DHCR24: variants seen among roughly 807,000 people sequenced by gnomAD.
DHCR24 encodes delta(24)-sterol reductase.
In DHCR24, 28 loss-of-function variants were observed where a neutral mutation model predicts 61.2. The ratio of observed to expected loss-of-function variants is 0.46; its 90% CI spans 0.34 to 0.63. DHCR24 has a LOEUF of 0.63. Among genes scored for constraint, DHCR24 ranks in the 20% least tolerant of loss-of-function variants. The pLI, the probability that DHCR24 is intolerant of heterozygous loss-of-function variation, is 0.01. For missense variants in DHCR24, 538 were observed against 679.1 expected, an observed-to-expected ratio of 0.79 and a Z score of 2.31; for synonymous variants, 261 against 275.9, an observed-to-expected ratio of 0.95 and a Z score of 0.54.
At position 54,887,191 on chromosome 1, in the gene DHCR24, G is replaced by T; in HGVS notation, c.-72C>A. The T allele has an allele frequency of 3.0e-6, 4 of 1,348,490 alleles. No individual in the cohort carries two copies. Among genetic ancestry groups the T allele is most frequent in the East Asian group, 2.6e-5 (1 of 38,980 alleles). 83.5% of individuals were successfully genotyped at this position (1,348,490 alleles called of 1,614,324 possible). A position where few individuals can be genotyped will look rare whatever the true frequency, so the allele number is the denominator to read the frequency against. Reference sequence around the variant, plus strand: ...CTGCCGCCAGCTCCGCGCCTGGCCCGCTCTGCGCCTGTAGCCCACAGCCCG... The same window carrying T: ...CTGCCGCCAGCTCCGCGCCTGGCCCTCTCTGCGCCTGTAGCCCACAGCCCG... On this transcript the variant is annotated 5_prime_UTR_variant, in exon 1 of 9. Coordinates refer to ENST00000371269, the MANE Select transcript of DHCR24 (RefSeq NM_014762.4).
In DHCR24 at chr1:54,853,453, A is replaced by C. The variant is rs1301013119; in HGVS notation, c.1378T>G (p.Phe460Val). The C allele has an allele frequency of 6.2e-7, 1 of 1,614,036 alleles. No homozygotes were observed. The highest frequency in any genetic ancestry group is 1.1e-5 in the South Asian group (1 of 91,060). The stretch of plus-strand genomic sequence containing the variant: ...ACTCACCCATGCACGCTGCGGACAA[A>C]CTTCTCCAGCTGCCTCATGCAGGAC... Reference protein sequence around the residue: ...ARSCMRQLEKFVRSVHGFQML... With the variant: ...ARSCMRQLEKVVRSVHGFQML... Residue 460 changes from phenylalanine to valine, a missense_variant, in exon 8 of 9, where the codon TTT (phenylalanine) becomes GTT (valine). Coordinates refer to ENST00000371269, the MANE Select transcript of DHCR24 (RefSeq NM_014762.4).
At chr1:54,875,590 GT>G (rs1249331405) in intron 3 of DHCR24, among the ~76,000 whole-genome samples, 1 of 152,128 alleles carries the variant, frequency 6.6e-6, no homozygotes, top group Non-Finnish European at 1.5e-5. Context: ...AACTGAAGGT[GT>G]TTTCCCTGAA....
At chr1:54,881,419 G>A (rs1223620168) in intron 2 of DHCR24, among the ~76,000 whole-genome samples, 1 of 152,120 alleles carries the variant, frequency 6.6e-6, no homozygotes, top group African/African-American at 2.4e-5. Flanking sequence ...TTAAAGAAAT[G>A]CAAATCAAAA....
intron 2 of DHCR24, among the ~76,000 whole-genome samples, chr1:54,879,556 G>C (rs1453262971): frequency 1.3e-5 from 2 of 152,092 alleles, no homozygotes; most frequent in Non-Finnish European, 2.9e-5. Context: ...AGAACAACTT[G>C]AAATGGCCTA....
In DHCR24 at chr1:54,854,320, AT is replaced by A. The variant is rs1646895202; in HGVS notation, c.1021-87del. ...TGCAAGGGGCCAGGGGCCAGGTCCC[AT>A]TCTGTGCTTGACAGAAGCACGCCTG... On this transcript the variant is annotated intron_variant, in intron 6 of 8. Transcript: ENST00000371269. 3 of 1,252,880 alleles carry A rather than the reference AT, an allele frequency of 2.4e-6. No homozygotes were observed. The African/African-American group carries it at 4.4e-5, about 18-fold the overall frequency. 77.6% of individuals were successfully genotyped at this position (1,252,880 alleles called of 1,614,324 possible).
intron 6 of DHCR24, among the ~76,000 whole-genome samples, chr1:54,858,076 G>A (rs1388874173): frequency 6.6e-6 from 1 of 152,234 alleles, no homozygotes; most frequent in Non-Finnish European, 1.5e-5. Flanking sequence ...ATTTGAAATT[G>A]TTTATTCCTC....
intron 5 of DHCR24, among the ~76,000 whole-genome samples, chr1:54,867,330 G>A (rs1646972845): frequency 6.6e-6 from 1 of 152,174 alleles, no homozygotes. Context: ...AGAAATGTTT[G>A]GAAGCAATGC....
Position 54,879,322 on chromosome 1 carries a change from G to GGGAAAAAAAAAAAAAAAAA in DHCR24, c.388-3276_388-3275insTTTTTTTTTTTTTTTTTCC, listed in dbSNP as rs1647052099. On this transcript the variant is annotated intron_variant, in intron 2 of 8. Transcript: ENST00000371269. ...TGGAGGACAGAGCAAGACTCCATCT[G>GGGAAAAAAAAAAAAAAAAA]AAAAAAAAAAAAAAAAAAAAAAAAA... Among the ~76,000 whole-genome samples the GGGAAAAAAAAAAAAAAAAA allele has an allele frequency of 1.8e-5, 2 of 108,502 alleles. 1 individual carries two copies. The allele number at this position is 108,502 out of a possible 152,430, so 71.2% of individuals were successfully genotyped here.
intron 5 of DHCR24, among the ~76,000 whole-genome samples, chr1:54,871,057 T>A (rs2101569709): frequency 6.6e-6 from 1 of 152,372 alleles, no homozygotes; most frequent in African/African-American, 2.4e-5. Flanking sequence ...ACATTACCTC[T>A]TGAAGACTCA....
rs150050071 is a variant in DHCR24, at chr1:54,865,347, G to A, written c.976C>T (p.His326Tyr). The change falls in exon 6 of 9, where the codon CAC becomes TAC. Residue 326 changes from histidine to tyrosine, a missense_variant. By Grantham distance (83) the His-to-Tyr change is moderately conservative. Transcript: ENST00000371269. ...REGLEYIPLR[H>Y]YYHRHTRSIF... The stretch of plus-strand genomic sequence containing the variant: ...CTGCGCGTGTGGCGGTGGTAGTAGT[G>A]TCTCAAGGGAATGTACTCCAGGCCC... The A allele has an allele frequency of 1.9e-6, 3 of 1,613,920 alleles. No homozygotes were observed. The African/African-American group carries it at 4.0e-5, about 22-fold the overall frequency.
chr1:54,867,207 TG>T (rs1382756811), intron 5 of DHCR24, among the ~76,000 whole-genome samples: 2 of 152,154 alleles, frequency 1.3e-5, no homozygotes, highest in Non-Finnish European at 2.9e-5. Flanking sequence ...CTCTGTGAAA[TG>T]GGGGTAGGCT....
chr1:54,852,465 C>T, intron 8 of DHCR24, 79 bp from the exon 9 acceptor site: 1 of 1,527,228 alleles, frequency 6.5e-7, no homozygotes, highest in South Asian at 1.1e-5. Flanking sequence ...ACTGCTCATT[C>T]TGCAGCCCAG....
Position 54,883,615 on chromosome 1 carries a change from C to A in DHCR24, c.387+3G>T, listed in dbSNP as rs776143794. On this transcript the variant is annotated splice_donor_region_variant and intron_variant, in intron 2 of 8. Coordinates refer to ENST00000371269, the MANE Select transcript of DHCR24 (RefSeq NM_014762.4). This position sits in a 1 kb window ranked among gnomAD's most constrained non-coding sequence, Gnocchi z 4.3. ...CCAGAGCCCGGAAAAGTGCTACTCT[C>A]ACCTGTTTCTTGGTGTCCACTTCCA... 1.2e-6 allele frequency: 2 copies of A among 1,614,230 alleles called. No homozygotes were observed. Among genetic ancestry groups the A allele is most frequent in the Non-Finnish European group, 1.7e-6 (2 of 1,180,046 alleles).
intron 6 of DHCR24, among the ~76,000 whole-genome samples, chr1:54,858,701 G>A (rs1208062399): frequency 1.3e-5 from 2 of 152,046 alleles, no homozygotes; most frequent in African/African-American, 4.8e-5. Flanking sequence ...GCAATGGCGC[G>A]ATCTCAGCTC....
At position 54,853,415 on chromosome 1, in the gene DHCR24, T is replaced by C. The variant is rs996320947; in HGVS notation, c.1397+19A>G. The C allele has an allele frequency of 2.5e-6, 4 of 1,613,922 alleles. No homozygotes were observed. In the Admixed American group the frequency reaches 5.0e-5, roughly 20 times the overall value. ...GGGCTGTCAGCTAGAGGCAACATAC[T>C]ATACTCTGGGCCACTCACCCATGCA... On this transcript the variant is annotated intron_variant, in intron 8 of 8. Transcript: ENST00000371269.
chr1:54,863,743 T>G (rs938810353), intron 6 of DHCR24, among the ~76,000 whole-genome samples: 8 of 152,286 alleles, frequency 5.3e-5, no homozygotes, highest in Admixed American at 4.6e-4. Flanking sequence ...TCAAAGGACG[T>G]TACCAAGACA....
chr1:54,869,741 A>T (rs1403846043), intron 5 of DHCR24, among the ~76,000 whole-genome samples: 3 of 152,116 alleles, frequency 2.0e-5, no homozygotes, highest in African/African-American at 2.4e-5. Context: ...ATCCCTACAA[A>T]AAAATTTTAA....
chr1:54,861,084 T>C (rs1330817673), intron 6 of DHCR24, among the ~76,000 whole-genome samples: 1 of 152,166 alleles, frequency 6.6e-6, no homozygotes, highest in Non-Finnish European at 1.5e-5. Flanking sequence ...CTTCTTTCTT[T>C]ACATTCCAGT....
chr1:54,861,729 A>C (rs602671), intron 6 of DHCR24, among the ~76,000 whole-genome samples: 102,939 of 152,034 alleles, frequency 0.68, 35,450 homozygotes, highest in South Asian at 0.81. Context: ...AAACCCACAA[A>C]CACAGGGCTG....
Sources: allele counts gnomAD v4.1 joint callset (sites outside exome capture counted in the v4.1 genomes callset), GRCh38; gene constraint gnomAD v4.1.1; non-coding constraint Gnocchi (gnomAD v3.1); transcripts MANE v1.5; gene names NCBI Gene and HGNC (gene_info 2026-07-23, HGNC 2026-07-21).